SUCLG1: variants seen among roughly 807,000 people sequenced by gnomAD.
SUCLG1 encodes succinate-CoA ligase GDP/ADP-forming subunit alpha.
A neutral mutation model predicts 37.3 loss-of-function variants in SUCLG1; 26 were observed. That is an observed-to-expected ratio of 0.70 (90% CI 0.51 to 0.97). The LOEUF (loss-of-function observed/expected upper bound fraction) is 0.97, where lower values mean the gene tolerates loss of function less well. SUCLG1 is among the 50% of genes least tolerant of loss of function. SUCLG1 has a pLI of 0.00. For synonymous variants in SUCLG1, 163 were observed against 155.6 expected, an observed-to-expected ratio of 1.05 and a Z score of -0.36; for missense variants, 433 against 432.9, an observed-to-expected ratio of 1.00 and a Z score of 0.00.
chr2:84,435,957 A>C (rs1214870595), intron 5 of SUCLG1, among the ~76,000 whole-genome samples: 1 of 152,188 alleles, frequency 6.6e-6, no homozygotes, highest in African/African-American at 2.4e-5. Flanking sequence ...TTCCTTCAAT[A>C]AACTCTGCTA....
chr2:84,428,172 C>A (rs1182924722), intron 7 of SUCLG1, among the ~76,000 whole-genome samples: 1 of 152,182 alleles, frequency 6.6e-6, no homozygotes, highest in Non-Finnish European at 1.5e-5. Context: ...TCCTACTTAA[C>A]TTTTAAGATC....
In SUCLG1 at chr2:84,443,414, G is replaced by A. The variant is rs1252604768; in HGVS notation, c.202-14C>T. The stretch of plus-strand genomic sequence containing the variant: ...GTGAAAGGTGCCCTGAGGGGAAAAA[G>A]CACAAGATCCATGAGAAACAGCAGA... On this transcript the variant is annotated splice_polypyrimidine_tract_variant and intron_variant, in intron 2 of 8. Transcript: ENST00000393868. 3.1e-6 allele frequency: 5 copies of A among 1,611,920 alleles called. No individual in the cohort carries two copies. The South Asian group carries it at 5.5e-5, about 18-fold the overall frequency.
intron 5 of SUCLG1, among the ~76,000 whole-genome samples, chr2:84,436,746 C>A (rs1672692157): frequency 6.6e-6 from 1 of 152,222 alleles, no homozygotes; most frequent in Non-Finnish European, 1.5e-5. Flanking sequence ...TCTCCTACCA[C>A]CTGGTTCAGT....
Position 84,459,188 on chromosome 2 carries a change from A to G in SUCLG1, c.82T>C (p.Ser28Pro), listed in dbSNP as rs761994083. ...SSGLAAARLL[S>P]RSFLLPQNGI... ...CTGGACTCACGGAGGAAGCTGCGCG[A>G]CAGGAGACGGGCGGCGGCGAGGCCG... is the stretch of plus-strand genomic sequence containing the variant. The change falls in exon 1 of 9, where the codon TCG (serine) becomes CCG (proline). Residue 28 changes from serine (S) to proline (P), a missense_variant. Ser to Pro is a moderately conservative substitution (Grantham distance 74, BLOSUM62 -1). Transcript: ENST00000393868. 27 of 1,549,806 alleles carry G rather than the reference A, an allele frequency of 1.7e-5. No homozygotes were observed. The South Asian group carries it at 3.0e-4, about 17-fold the overall frequency.
chr2:84,435,905 A>G (rs572881528), intron 5 of SUCLG1, among the ~76,000 whole-genome samples: 2 of 152,360 alleles, frequency 1.3e-5, no homozygotes, highest in African/African-American at 4.8e-5. Context: ...CCAGGAGGTC[A>G]GCCAGCCAGT....
chr2:84,435,809 A>G (rs4428022), intron 5 of SUCLG1, among the ~76,000 whole-genome samples: 146,986 of 152,280 alleles, frequency 0.97, 70,986 homozygotes, highest in East Asian at 1. Flanking sequence ...AGCTGCTGCT[A>G]GCTCATCCTC....
rs538072791 is a variant in SUCLG1, at chr2:84,456,661, T to C, written c.97+2512A>G. On this transcript the variant is annotated intron_variant, in intron 1 of 8. Coordinates refer to ENST00000393868, the MANE Select transcript of SUCLG1 (RefSeq NM_003849.4). Reference sequence around the variant, plus strand: ...TCTCTCTCCACTTCAACTGGATCCTTTTCCTTTTTTCTCTTTTTCTGAGAC... The same window carrying C: ...TCTCTCTCCACTTCAACTGGATCCTCTTCCTTTTTTCTCTTTTTCTGAGAC... 7.1e-4 allele frequency among the ~76,000 whole-genome samples: 108 copies of C among 152,136 alleles called. 1 individual carries two copies. The highest frequency in any genetic ancestry group is 6.3e-3 in the Admixed American group (97 of 15,292).
In SUCLG1 at chr2:84,449,790, C is replaced by T. The variant is rs77098765; in HGVS notation, c.98-38G>A. ...AAAAAAAAAAAAAAAAAAAAAAAGA[C>T]ACATTATAATTTTTCTAAACTTTTG... On this transcript the variant is annotated intron_variant, in intron 1 of 8. Coordinates refer to ENST00000393868, the MANE Select transcript of SUCLG1 (RefSeq NM_003849.4). The T allele has an allele frequency of 0.024, 29,105 of 1,197,754 alleles. 1,154 individuals carry two copies. Among genetic ancestry groups the T allele is most frequent in the African/African-American group, 0.16 (9,150 of 58,028 alleles). The allele number at this position is 1,197,754 out of a possible 1,614,324, so 74.2% of individuals were successfully genotyped here. A position where few individuals can be genotyped will look rare whatever the true frequency, so the allele number is the denominator to read the frequency against.
chr2:84,449,718 T>C lies in SUCLG1; in HGVS notation c.132A>G (p.Thr44=), dbSNP rs771851748. 79 of 1,589,588 alleles carry C rather than the reference T, an allele frequency of 5.0e-5. No homozygotes were observed. The highest frequency in any genetic ancestry group is 4.7e-5 in the Non-Finnish European group (55 of 1,173,036). ...PQNGIRHCSY[T]ASRQHLYVDK... is the part of the protein sequence containing the mutation. ...CAACATAGAGATGTTGCCGAGAAGC[T>C]GTGTAGGAACAATGCCGAATTCCAT... is the stretch of plus-strand genomic sequence containing the variant. The change falls in exon 2 of 9, where the codon ACA becomes ACG. Residue 44 remains threonine (T), a synonymous_variant. Coordinates refer to ENST00000393868, the MANE Select transcript of SUCLG1 (RefSeq NM_003849.4).
intron 1 of SUCLG1, among the ~76,000 whole-genome samples, chr2:84,457,417 C>G (rs1673038942): frequency 6.6e-6 from 1 of 152,148 alleles, no homozygotes. Flanking sequence ...ACTCCAGTAA[C>G]AAAACTAAAC....
intron 1 of SUCLG1, chr2:84,458,509 A>G (rs933686649): frequency 4.6e-5 from 7 of 152,226 alleles, no homozygotes; most frequent in African/African-American, 1.7e-4. Context: ...AGCGTGTCTC[A>G]AAGACTAGCA....
chr2:84,426,628 C>G (rs1672539583), intron 7 of SUCLG1: 1 of 151,340 alleles, frequency 6.6e-6, no homozygotes, highest in Non-Finnish European at 1.5e-5. Context: ...GATCATGCCA[C>G]CGCACTCCAG....
At chr2:84,445,850 C>A (rs1400724266) in intron 2 of SUCLG1, among the ~76,000 whole-genome samples, 3 of 152,244 alleles carry the variant, frequency 2.0e-5, no homozygotes, top group African/African-American at 4.8e-5. Context: ...CGGCACTCCT[C>A]TAATCAAACA....
At chr2:84,454,337 A>T (rs1672987492) in intron 1 of SUCLG1, among the ~76,000 whole-genome samples, 1 of 152,260 alleles carries the variant, frequency 6.6e-6, no homozygotes, top group Non-Finnish European at 1.5e-5. Flanking sequence ...CGCAGCCCTC[A>T]CTGTAAAACA....
intron 7 of SUCLG1, chr2:84,426,840 C>T (rs1672542430): frequency 6.6e-6 from 1 of 152,138 alleles, no homozygotes; most frequent in Non-Finnish European, 1.5e-5. Context: ...CACTTAGGTA[C>T]CATCATCTTC....
chr2:84,424,288 C>A (rs997479697), intron 8 of SUCLG1, among the ~76,000 whole-genome samples: 2 of 152,156 alleles, frequency 1.3e-5, no homozygotes, highest in African/African-American at 4.8e-5. Context: ...GGAAACAATA[C>A]CAAAAATCAT....
intron 7 of SUCLG1, chr2:84,425,968 T>C (rs927881450): frequency 3.1e-6 from 1 of 327,598 alleles, no homozygotes; most frequent in African/African-American, 2.2e-5. Flanking sequence ...TTCAACCTAA[T>C]ATTATGCCTT....
intron 7 of SUCLG1, 36 bp downstream of exon 7, chr2:84,431,472 G>C (rs373709522): frequency 3.5e-5 from 56 of 1,612,872 alleles, no homozygotes; most frequent in South Asian, 5.5e-5. Flanking sequence ...CTGATATTAA[G>C]AGCAAAGAGC....
chr2:84,433,006 C>G (rs1191475611), intron 6 of SUCLG1, among the ~76,000 whole-genome samples: 1 of 152,118 alleles, frequency 6.6e-6, no homozygotes, highest in East Asian at 1.9e-4. Flanking sequence ...AATTCAGTAA[C>G]TATAAAGCAC....
Sources: allele counts gnomAD v4.1 joint callset (sites outside exome capture counted in the v4.1 genomes callset), GRCh38; gene constraint gnomAD v4.1.1; transcripts MANE v1.5; gene names NCBI Gene and HGNC (gene_info 2026-07-23, HGNC 2026-07-21).